C16orf78: variants seen among roughly 807,000 people sequenced by gnomAD.
C16orf78 encodes chromosome 16 open reading frame 78.
A neutral mutation model predicts 27.3 loss-of-function variants in C16orf78; 19 were observed. That is an observed-to-expected ratio of 0.70 (90% CI 0.49 to 1.02). The LOEUF (loss-of-function observed/expected upper bound fraction) is 1.02, where lower values mean the gene tolerates loss of function less well. Ranked by LOEUF, C16orf78 falls within the 50% of genes least tolerant of loss-of-function variation. C16orf78 has a pLI of 0.00. For missense variants in C16orf78, 339 were observed against 337.0 expected (o/e 1.01, Z -0.05); for synonymous variants, 130 against 116.1 (o/e 1.12, Z -0.77).
At chr16:49,388,131 A>T (rs532981593) in intron 3 of C16orf78, among the ~76,000 whole-genome samples, 1 of 152,214 alleles carries the variant, frequency 6.6e-6, no homozygotes, top group Non-Finnish European at 1.5e-5. Context: ...TTAAGAAAAA[A>T]AAATTTTTTT....
In C16orf78 at chr16:49,373,982, A is replaced by G; in HGVS notation, c.43A>G (p.Lys15Glu). Residue 15 changes from lysine to glutamate, a missense_variant, in exon 1 of 5, where the codon AAG (lysine) becomes GAG (glutamate). Transcript: ENST00000299191. Reference protein sequence around the residue: ...QMDLKDLMPTKRKYMWKTAED... With the variant: ...QMDLKDLMPTERKYMWKTAED... ...GGACCTGAAGGATTTAATGCCCACA[A>G]AGAGGAAATACATGTGGAAGACTGC... 6.2e-7 allele frequency: 1 copy of G among 1,614,186 alleles called. No homozygotes were observed. The highest frequency in any genetic ancestry group is 8.5e-7 in the Non-Finnish European group (1 of 1,180,030).
At chr16:49,396,135 G>GA (rs1365624795) in intron 3 of C16orf78, among the ~76,000 whole-genome samples, 1 of 152,106 alleles carries the variant, frequency 6.6e-6, no homozygotes, top group African/African-American at 2.4e-5. Flanking sequence ...CCAGCTACTC[G>GA]GGAGGGTGAA....
At position 49,399,339 on chromosome 16, in the gene C16orf78, G is replaced by A. The variant is rs1965513433; in HGVS notation, c.*61G>A. On this transcript the variant is annotated 3_prime_UTR_variant, in exon 5 of 5. Coordinates refer to ENST00000299191, the MANE Select transcript of C16orf78 (RefSeq NM_144602.4). ...GTCATGGGACCCTTCACCTCCAGAT[G>A]CCATCCTCTGGCACACTACAAGTGG... The A allele has an allele frequency of 3.8e-6, 6 of 1,583,446 alleles. No homozygotes were observed. Among genetic ancestry groups the A allele is most frequent in the South Asian group, 2.3e-5 (2 of 87,612 alleles).
rs1291251356 is a variant in C16orf78, at chr16:49,396,611, G to A, written c.583G>A (p.Glu195Lys). The A allele has an allele frequency of 6.2e-7, 1 of 1,613,824 alleles. No homozygotes were observed. The highest frequency in any genetic ancestry group is 8.5e-7 in the Non-Finnish European group (1 of 1,180,040). ...AYERKLKSLMEKSTEPKMETM... is the reference protein window; with the variant it reads ...AYERKLKSLMKKSTEPKMETM... ...CGAACGCAAGCTAAAGAGCCTCATG[G>A]AGAAAAGCACCGAACCTAAGATGGA... is the stretch of plus-strand genomic sequence containing the variant. Residue 195 changes from glutamate (E) to lysine (K), a missense_variant, in exon 4 of 5, where the codon GAG becomes AAG. Transcript: ENST00000299191.
intron 3 of C16orf78, among the ~76,000 whole-genome samples, chr16:49,388,191 T>C (rs1433022093): frequency 6.6e-6 from 1 of 152,124 alleles, no homozygotes; most frequent in Non-Finnish European, 1.5e-5. Context: ...TGGTTTTTTG[T>C]GTGTGTCTCA....
chr16:49,381,907 T>C (rs194436), intron 3 of C16orf78, among the ~76,000 whole-genome samples: 33,298 of 151,050 alleles, frequency 0.22, 3,929 homozygotes, highest in East Asian at 0.35. Context: ...AGCCATCCCA[T>C]TACTGGGTAT....
intron 3 of C16orf78, among the ~76,000 whole-genome samples, chr16:49,381,119 G>GC (rs1965281444): frequency 6.6e-6 from 1 of 152,010 alleles, no homozygotes; most frequent in South Asian, 2.1e-4. Flanking sequence ...GATGCGAGCT[G>GC]TTTTTTGGTT....
At chr16:49,396,898 G>T (rs866805133) in intron 4 of C16orf78, among the ~76,000 whole-genome samples, 1 of 152,234 alleles carries the variant, frequency 6.6e-6, no homozygotes, top group East Asian at 1.9e-4. Flanking sequence ...GAATGGGCAT[G>T]TCATTTAGGT....
At chr16:49,384,946 G>A (rs1348856020) in intron 3 of C16orf78, among the ~76,000 whole-genome samples, 3 of 152,158 alleles carry the variant, frequency 2.0e-5, no homozygotes, top group Non-Finnish European at 4.4e-5. Flanking sequence ...ACCTGATAAA[G>A]CTGTCTTTTA....
intron 3 of C16orf78, among the ~76,000 whole-genome samples, chr16:49,395,236 C>T (rs542605418): frequency 3.3e-5 from 5 of 152,260 alleles, no homozygotes; most frequent in African/African-American, 1.2e-4. Flanking sequence ...CTTTTCTCTA[C>T]ATACTTGTCA....
At position 49,378,377 on chromosome 16, in the gene C16orf78, A is replaced by T. The variant is rs145805802; in HGVS notation, c.271-93A>T. ...TGGTTGCCTTTGCCTGCCTTTTGGC[A>T]AACCCTTGAAATTGCTGTTTGCTTG... On this transcript the variant is annotated intron_variant, in intron 2 of 4. Transcript: ENST00000299191. The T allele has an allele frequency of 1.1e-4, 160 of 1,491,630 alleles. 2 individuals are homozygous for T. In the African/African-American group the frequency reaches 2.1e-3, roughly 20 times the overall value. The allele number at this position is 1,491,630 out of a possible 1,614,324, so 92.4% of individuals were successfully genotyped here.
At chr16:49,376,970 A>G (rs762586247) in intron 1 of C16orf78, among the ~76,000 whole-genome samples, 3 of 152,160 alleles carry the variant, frequency 2.0e-5, no homozygotes, top group Non-Finnish European at 4.4e-5. Flanking sequence ...AGTTTCTGCC[A>G]TGATGCTCTG....
chr16:49,374,191 G>A (rs1965188909), intron 1 of C16orf78, 102 bp downstream of exon 1: 52 of 1,422,036 alleles, frequency 3.7e-5, no homozygotes, highest in Non-Finnish European at 4.8e-5. Context: ...AGGCGGGATG[G>A]TTTTGAAGTG....
intron 3 of C16orf78, among the ~76,000 whole-genome samples, chr16:49,390,316 TATTTC>T (rs1173309083): frequency 1.3e-5 from 2 of 152,212 alleles, no homozygotes; most frequent in Non-Finnish European, 2.9e-5. Context: ...TTCACAAATT[TATTTC>T]ATTTCTCCAT....
At chr16:49,384,324 G>A (rs1275700881) in intron 3 of C16orf78, among the ~76,000 whole-genome samples, 2 of 147,194 alleles carry the variant, frequency 1.4e-5, no homozygotes, top group Non-Finnish European at 3.0e-5. Flanking sequence ...CTCCAGCCTG[G>A]GCAACAAGAG....
At chr16:49,384,368 A>AAAAAAAAAAAAAAAAAAAAAAAAAG in intron 3 of C16orf78, among the ~76,000 whole-genome samples, 1 of 143,164 alleles carries the variant, frequency 7.0e-6, no homozygotes. Context: ...AAAAAAAAAA[A>AAAAAAAAAAAAAAAAAAAAAAAAAG]GCAGAAAACT....
intron 3 of C16orf78, among the ~76,000 whole-genome samples, chr16:49,382,688 C>A (rs971290363): frequency 2.0e-5 from 3 of 152,170 alleles, no homozygotes; most frequent in Admixed American, 1.3e-4. Flanking sequence ...GCGAATCATG[C>A]ACTTGTGTGA....
At chr16:49,396,709 G>A (rs1965480235) in intron 4 of C16orf78, 31 bp downstream of exon 4, 3 of 1,594,736 alleles carry the variant, frequency 1.9e-6, no homozygotes, top group Non-Finnish European at 2.5e-6. Flanking sequence ...GGCAGATGGG[G>A]TGGGGTCCTG....
chr16:49,381,583 CCCATCAAA>C (rs1264671921), intron 3 of C16orf78, among the ~76,000 whole-genome samples: 25 of 151,874 alleles, frequency 1.6e-4, no homozygotes, highest in African/African-American at 5.8e-4. Flanking sequence ...AACAAACAAC[CCCATCAAA>C]AAGTGGGCAA....
Sources: gnomAD v4.1 joint callset for allele counts (sites outside exome capture counted in the v4.1 genomes callset) on GRCh38, gnomAD v4.1.1 for gene constraint, MANE v1.5 for transcripts, NCBI Gene and HGNC (gene_info 2026-07-23, HGNC 2026-07-21) for gene names.